The following ARSB variants were observed in gnomAD, a reference collection of about 807,000 sequenced individuals.
ARSB encodes the protein N-acetylgalactosamine-4-sulfatase.
A neutral mutation model predicts 50.9 loss-of-function variants in ARSB; 41 were observed. The observed-to-expected ratio is 0.81, with a 90% CI of 0.63 to 1.04. The LOEUF (loss-of-function observed/expected upper bound fraction) is 1.04, where lower values mean the gene tolerates loss of function less well. ARSB is among the 50% of genes least tolerant of loss of function. The pLI is 0.00. For missense variants in ARSB, 672 were observed against 693.3 expected (o/e 0.97, Z 0.35); for synonymous variants, 269 against 284.8 (o/e 0.94, Z 0.56).
At chr5:78,835,579 A>T (rs973306683) in intron 6 of ARSB, among the ~76,000 whole-genome samples, 1 of 152,196 alleles carries the variant, frequency 6.6e-6, no homozygotes, top group Non-Finnish European at 1.5e-5. Context: ...TCATAAAATA[A>T]TTCAAATTCC....
At chr5:78,848,055 T>TTTA (rs970674407) in intron 5 of ARSB, among the ~76,000 whole-genome samples, 14 of 150,806 alleles carry the variant, frequency 9.3e-5, no homozygotes, top group African/African-American at 3.4e-4. Flanking sequence ...ATTTTTTTAT[T>TTTA]TTATTATTAT....
At chr5:78,870,222 T>C (rs546555067) in intron 5 of ARSB, among the ~76,000 whole-genome samples, 1 of 145,140 alleles carries the variant, frequency 6.9e-6, no homozygotes, top group Admixed American at 7.1e-5. Flanking sequence ...CACAGCCGAA[T>C]TCTACCAGAG....
At chr5:78,914,865 T>A (rs1273412461) in intron 4 of ARSB, among the ~76,000 whole-genome samples, 1 of 152,120 alleles carries the variant, frequency 6.6e-6, no homozygotes. Context: ...CAGGGTTTGG[T>A]CATGTTGGCC....
intron 4 of ARSB, among the ~76,000 whole-genome samples, chr5:78,912,146 C>T (rs907411475): frequency 2.0e-5 from 3 of 152,174 alleles, no homozygotes; most frequent in Non-Finnish European, 2.9e-5. Flanking sequence ...TCACTATCTA[C>T]AAGCCAAGTG....
At chr5:78,903,009 T>C (rs1748873627) in intron 4 of ARSB, among the ~76,000 whole-genome samples, 1 of 152,170 alleles carries the variant, frequency 6.6e-6, no homozygotes, top group Admixed American at 6.5e-5. Context: ...CATAAAACTT[T>C]TATAGAAAAA....
At chr5:78,798,267 G>A (rs1276569043) in intron 6 of ARSB, among the ~76,000 whole-genome samples, 5 of 151,738 alleles carry the variant, frequency 3.3e-5, no homozygotes. Context: ...GATGCTAATC[G>A]AATACAGAAC....
At chr5:78,965,872 T>C (rs1752183443) in intron 2 of ARSB, among the ~76,000 whole-genome samples, 1 of 152,230 alleles carries the variant, frequency 6.6e-6, no homozygotes, top group African/African-American at 2.4e-5. Context: ...ATACAATTAA[T>C]ACTTTGGTCT....
chr5:78,904,685 C>CTTTTTTTTTTTTTTT (rs55920994), intron 4 of ARSB, among the ~76,000 whole-genome samples: 1 of 98,932 alleles, frequency 1.0e-5, no homozygotes, highest in Non-Finnish European at 2.0e-5. Context: ...TTCTTTCTTT[C>CTTTTTTTTTTTTTTT]TTTTTTTTTT....
intron 6 of ARSB, among the ~76,000 whole-genome samples, chr5:78,788,582 CA>C (rs992609246): frequency 1.3e-5 from 2 of 152,174 alleles, no homozygotes; most frequent in African/African-American, 4.8e-5. Flanking sequence ...TACTTCTCTA[CA>C]TTTTTTTAAT....
intron 5 of ARSB, among the ~76,000 whole-genome samples, chr5:78,857,347 A>G (rs1285871101): frequency 2.0e-5 from 3 of 152,242 alleles, no homozygotes; most frequent in African/African-American, 7.2e-5. Flanking sequence ...ATTAAAAAAT[A>G]CATATTGCAA....
At chr5:78,892,933 G>C (rs966824648) in intron 4 of ARSB, among the ~76,000 whole-genome samples, 4 of 152,154 alleles carry the variant, frequency 2.6e-5, no homozygotes, top group Non-Finnish European at 5.9e-5. Context: ...AGTGCGACTG[G>C]CAGCCAGGCA....
intron 4 of ARSB, among the ~76,000 whole-genome samples, chr5:78,914,162 A>G (rs1485721635): frequency 6.6e-6 from 1 of 152,090 alleles, no homozygotes; most frequent in Non-Finnish European, 1.5e-5. Context: ...ACAGGGTCTC[A>G]CTATGTTGCT....
At chr5:78,848,839 C>A (rs1745591649) in intron 5 of ARSB, among the ~76,000 whole-genome samples, 1 of 152,166 alleles carries the variant, frequency 6.6e-6, no homozygotes, top group Non-Finnish European at 1.5e-5. Context: ...AGCATTTTTT[C>A]ACGTGTCTTT....
chr5:78,890,969 T>C (rs1197539769), intron 4 of ARSB, among the ~76,000 whole-genome samples: 2 of 152,060 alleles, frequency 1.3e-5, no homozygotes, highest in African/African-American at 4.8e-5. Flanking sequence ...TGTGCACATT[T>C]TCTACTATAC....
At chr5:78,798,547 T>C (rs1199061943) in intron 6 of ARSB, among the ~76,000 whole-genome samples, 1 of 151,996 alleles carries the variant, frequency 6.6e-6, no homozygotes, top group Non-Finnish European at 1.5e-5. Context: ...CCACAAAGCC[T>C]CACCATCCAA....
At chr5:78,815,773 T>C in intron 6 of ARSB, 1 of 1,206,330 alleles carries the variant, frequency 8.3e-7, no homozygotes, top group Non-Finnish European at 1.0e-6. Flanking sequence ...GAATTTACTT[T>C]TGGGAAAAGG....
chr5:78,833,018 C>G (rs1561446702), intron 6 of ARSB, among the ~76,000 whole-genome samples: 1 of 152,168 alleles, frequency 6.6e-6, no homozygotes, highest in Non-Finnish European at 1.5e-5. Context: ...TGCAGAACAG[C>G]CAAGATCAAG....
chr5:78,836,010 A>G (rs1744940863), intron 6 of ARSB, among the ~76,000 whole-genome samples: 1 of 152,172 alleles, frequency 6.6e-6, no homozygotes, highest in Non-Finnish European at 1.5e-5. Context: ...ACTCCACAAA[A>G]GCCTCTGTGC....
intron 3 of ARSB, among the ~76,000 whole-genome samples, chr5:78,958,544 A>G (rs1027540613): frequency 2.6e-5 from 4 of 152,234 alleles, no homozygotes; most frequent in Non-Finnish European, 5.9e-5. Context: ...AATCTTTCCT[A>G]TAATTATTCC....
Sources: gnomAD v4.1 joint callset for allele counts (sites outside exome capture counted in the v4.1 genomes callset) on GRCh38, gnomAD v4.1.1 for gene constraint, MANE v1.5 for transcripts, NCBI Gene and HGNC (gene_info 2026-07-23, HGNC 2026-07-21) for gene names.